GUCY1A2: variants seen among roughly 807,000 people sequenced by gnomAD.
GUCY1A2 encodes guanylate cyclase soluble subunit alpha-2.
Under a neutral mutation model 63.5 loss-of-function variants are expected in GUCY1A2, and 27 were observed. That is an observed-to-expected ratio of 0.43 (90% CI 0.31 to 0.59). The LOEUF is 0.59. GUCY1A2 is among the 20% of genes least tolerant of loss of function. The probability of loss-of-function intolerance (pLI) is 0.11; values close to 1 mark genes in which losing one functional copy is unlikely to be tolerated. For synonymous variants in GUCY1A2, 364 were observed against 343.5 expected (o/e 1.06, Z -0.66); for missense variants, 768 against 913.3 (o/e 0.84, Z 2.05).
rs1239179125 is a variant in GUCY1A2, at chr11:106,709,569, C to T, written c.1837-903G>A. On this transcript the variant is annotated intron_variant, in intron 6 of 7. Transcript: ENST00000526355. Reference sequence around the variant, plus strand: ...TATTATTATATAAATATGTTATATACGTGTATATAATATATAGTTATATAT... The same window carrying T: ...TATTATTATATAAATATGTTATATATGTGTATATAATATATAGTTATATAT... 5.7e-5 allele frequency among the ~76,000 whole-genome samples: 5 copies of T among 87,186 alleles called. 1 individual carries two copies. Among genetic ancestry groups the T allele is most frequent in the Non-Finnish European group, 6.1e-5 (3 of 48,978 alleles). 57.2% of individuals were successfully genotyped at this position (87,186 alleles called of 152,430 possible). A position where few individuals can be genotyped will look rare whatever the true frequency, so the allele number is the denominator to read the frequency against.
At chr11:106,976,047 C>T (rs1484897877) in intron 3 of GUCY1A2, among the ~76,000 whole-genome samples, 1 of 152,104 alleles carries the variant, frequency 6.6e-6, no homozygotes, top group Non-Finnish European at 1.5e-5. Flanking sequence ...TCTATGACTT[C>T]AAGTCTTTTT....
rs1461848406 is a variant in GUCY1A2 at position 106,746,633 on chromosome 11, C to T, written c.1836+29806G>A. 3.1e-6 allele frequency: 5 copies of T among 1,592,126 alleles called. No individual in the cohort carries two copies. The African/African-American group carries it at 5.4e-5, about 17-fold the overall frequency. ...AACAGGAAAGGAGAAAAGGAGTTCA[C>T]TCCTCTGGGGCTTGAAAAGTCACAC... is the stretch of plus-strand genomic sequence containing the variant. On this transcript the variant is annotated intron_variant, in intron 6 of 7. Transcript: ENST00000526355.
At chr11:106,749,237 T>C (rs189131699) in intron 6 of GUCY1A2, among the ~76,000 whole-genome samples, 3 of 152,092 alleles carry the variant, frequency 2.0e-5, no homozygotes, top group East Asian at 3.8e-4. Flanking sequence ...TGCATAATGA[T>C]GAAATCATTT....
At chr11:106,947,767 A>G (rs1860850138) in intron 3 of GUCY1A2, among the ~76,000 whole-genome samples, 1 of 152,060 alleles carries the variant, frequency 6.6e-6, no homozygotes, top group Non-Finnish European at 1.5e-5. Flanking sequence ...TTAGAAATCA[A>G]TAAAAAGGAG....
At chr11:106,758,998 G>A (rs1864019807) in intron 6 of GUCY1A2, among the ~76,000 whole-genome samples, 2 of 151,980 alleles carry the variant, frequency 1.3e-5, no homozygotes, top group South Asian at 4.2e-4. Context: ...GAAAGGAGGG[G>A]TCTGTTTGGA....
chr11:106,786,857 C>A (rs1864564384), intron 5 of GUCY1A2, among the ~76,000 whole-genome samples: 1 of 152,110 alleles, frequency 6.6e-6, no homozygotes, highest in Non-Finnish European at 1.5e-5. Flanking sequence ...TGTTATTATT[C>A]TACCTAGAGT....
intron 6 of GUCY1A2, among the ~76,000 whole-genome samples, chr11:106,762,026 A>C (rs957212545): frequency 3.3e-5 from 5 of 152,152 alleles, no homozygotes; most frequent in Non-Finnish European, 5.9e-5. Flanking sequence ...AGGCAGGTCT[A>C]CTTTACTTCA....
At chr11:106,927,162 A>C (rs995027721) in intron 4 of GUCY1A2, among the ~76,000 whole-genome samples, 5 of 151,790 alleles carry the variant, frequency 3.3e-5, no homozygotes, top group Non-Finnish European at 7.4e-5. Context: ...TCACACAGTT[A>C]GGAGATCGAG....
At chr11:106,991,889 C>A (rs183355516) in intron 1 of GUCY1A2, among the ~76,000 whole-genome samples, 7 of 152,184 alleles carry the variant, frequency 4.6e-5, no homozygotes, top group African/African-American at 1.7e-4. Context: ...CCGTGTTTTA[C>A]GCCAGGCACT....
At chr11:106,923,872 C>T (rs935282851) in intron 4 of GUCY1A2, among the ~76,000 whole-genome samples, 3 of 151,934 alleles carry the variant, frequency 2.0e-5, no homozygotes, top group African/African-American at 7.3e-5. Flanking sequence ...AGGAAATTTT[C>T]GTGGGGTAAA....
chr11:106,723,314 T>C (rs151272112), intron 6 of GUCY1A2, among the ~76,000 whole-genome samples: 1 of 152,350 alleles, frequency 6.6e-6, no homozygotes, highest in Admixed American at 6.5e-5. Flanking sequence ...AAGCCTTTCA[T>C]CAGGAACTTA....
chr11:106,836,524 C>A (rs973329413), intron 4 of GUCY1A2, among the ~76,000 whole-genome samples: 16 of 151,980 alleles, frequency 1.1e-4, no homozygotes, highest in African/African-American at 3.9e-4. Flanking sequence ...CTTGTAATGT[C>A]ATGACTTTTC....
intron 4 of GUCY1A2, among the ~76,000 whole-genome samples, chr11:106,864,354 T>C (rs1455997106): frequency 6.6e-6 from 1 of 152,110 alleles, no homozygotes; most frequent in East Asian, 1.9e-4. Flanking sequence ...TACAATCATG[T>C]CATCTGCAAA....
At chr11:106,940,928 G>A (rs113767264) in intron 3 of GUCY1A2, among the ~76,000 whole-genome samples, 81 of 151,680 alleles carry the variant, frequency 5.3e-4, no homozygotes, top group African/African-American at 1.7e-3. Flanking sequence ...ACTTCTTATC[G>A]AAATGCATGT....
rs538417603 is a variant in GUCY1A2 at position 106,809,778 on chromosome 11, C to A, written c.1692+215G>T. Among the ~76,000 whole-genome samples the A allele has an allele frequency of 2.3e-4, 34 of 146,588 alleles. No homozygotes were observed. The South Asian group carries it at 5.0e-3, about 22-fold the overall frequency. On this transcript the variant is annotated intron_variant, in intron 5 of 7. Coordinates refer to ENST00000526355, the MANE Select transcript of GUCY1A2 (RefSeq NM_000855.3). ...CTATATAGAATTTTTCCTTACTGAG[C>A]AATATCATGATTCTTCACAGTTATC...
Position 106,978,711 on chromosome 11 carries a change from T to C in GUCY1A2, c.395A>G (p.Asn132Ser), listed in dbSNP as rs151242953. Residue 132 changes from asparagine to serine, a missense_variant, in exon 3 of 8, where the codon AAT (asparagine) becomes AGT (serine). By Grantham distance (46) the Asn-to-Ser change is conservative. Around this residue, in one of 3 missense-constraint regions of GUCY1A2, gnomAD observed 496 missense variants for 486.9 expected, o/e 1.02. Coordinates refer to ENST00000526355, the MANE Select transcript of GUCY1A2 (RefSeq NM_000855.3). ...GYRDAEKNFH[N>S]ISNRCSYADH... The stretch of plus-strand genomic sequence containing the variant: ...TGCATAGGAGCATCTGTTAGAGATA[T>C]TGTGGAAATTCTTTTCTGCATCCCT... 26 of 1,593,104 alleles carry C rather than the reference T, an allele frequency of 1.6e-5. No homozygotes were observed. Among genetic ancestry groups the C allele is most frequent in the Non-Finnish European group, 2.1e-5 (25 of 1,167,200 alleles).
In GUCY1A2 at chr11:106,680,700, T is replaced by A. The variant is rs927011232; in HGVS notation, c.*6849A>T. 4.9e-6 allele frequency: 1 copy of A among 204,250 alleles called. No individual in the cohort carries two copies. Among genetic ancestry groups the A allele is most frequent in the African/African-American group, 2.3e-5 (1 of 43,760 alleles). 12.7% of individuals were successfully genotyped at this position (204,250 alleles called of 1,614,324 possible). The stretch of plus-strand genomic sequence containing the variant: ...TCAGTAAATCAACAATCCGGTTTGA[T>A]TTTGATAGGGAAATTTTCCAAACTG... On this transcript the variant is annotated 3_prime_UTR_variant, in exon 8 of 8. Coordinates refer to ENST00000526355, the MANE Select transcript of GUCY1A2 (RefSeq NM_000855.3).
At position 106,827,375 on chromosome 11, in the gene GUCY1A2, C is replaced by T. The variant is rs1858986078; in HGVS notation, c.1207-16897G>A. ...TTCCCTATAGCTTTATCTTTAATGG[C>T]CCAAATCACTTCACAGCCTTCAATT... is the stretch of plus-strand genomic sequence containing the variant. On this transcript the variant is annotated intron_variant, in intron 4 of 7. Coordinates refer to ENST00000526355, the MANE Select transcript of GUCY1A2 (RefSeq NM_000855.3). 1.1e-5 allele frequency: 17 copies of T among 1,547,864 alleles called. No individual in the cohort carries two copies. In the South Asian group the frequency reaches 1.8e-4, roughly 16 times the overall value.
At chr11:106,706,287 A>C (rs1010128859) in intron 7 of GUCY1A2, among the ~76,000 whole-genome samples, 1 of 152,172 alleles carries the variant, frequency 6.6e-6, no homozygotes, top group African/African-American at 2.4e-5. Context: ...ACTGGGTTTT[A>C]CTTCATAAAT....
Sources: gnomAD v4.1 joint callset for allele counts (sites outside exome capture counted in the v4.1 genomes callset) on GRCh38, gnomAD v4.1.1 for gene constraint, gnomAD v4.1.1 regional missense constraint, MANE v1.5 for transcripts, NCBI Gene and HGNC (gene_info 2026-07-23, HGNC 2026-07-21) for gene names.